Variants in CRCP observed in about 807,000 individuals in gnomAD.
CRCP encodes DNA-directed RNA polymerase III subunit RPC9.
In CRCP, 18 loss-of-function variants were observed where a neutral mutation model predicts 18.5. The observed-to-expected ratio is 0.97, with a 90% CI of 0.67 to 1.44. The LOEUF is 1.44. Among genes scored for constraint, CRCP ranks in the 40% most tolerant of loss-of-function variants. The pLI is 0.00. For synonymous variants in CRCP, 53 were observed against 62.9 expected (o/e 0.84, Z 0.75); for missense variants, 130 against 176.4 (o/e 0.74, Z 1.49).
chr7:66,118,340 A>G lies in CRCP; in HGVS notation c.8+3370A>G, dbSNP rs115246580. Among the ~76,000 whole-genome samples, 1,120 of 152,300 alleles carry G rather than the reference A, an allele frequency of 7.4e-3. 15 individuals are homozygous for G. Among genetic ancestry groups the G allele is most frequent in the African/African-American group, 0.024 (995 of 41,578 alleles). On this transcript the variant is annotated intron_variant, in intron 1 of 5. Transcript: ENST00000395326. ...TTCGTCTTCAGTAAGTCTAACTAAC[A>G]TAAGTTCTTTTTGTCTTTCATAGTA...
At chr7:66,144,450 A>G (rs1208822827) in intron 4 of CRCP, among the ~76,000 whole-genome samples, 5 of 152,180 alleles carry the variant, frequency 3.3e-5, no homozygotes, top group Non-Finnish European at 5.9e-5. Context: ...AAAGGAATTT[A>G]CCCATTTCTA....
intron 1 of CRCP, among the ~76,000 whole-genome samples, chr7:66,117,330 G>A (rs892553379): frequency 1.3e-5 from 2 of 152,098 alleles, no homozygotes; most frequent in Non-Finnish European, 2.9e-5. Context: ...CTTGCTTGAT[G>A]TCTAAGTGTT....
intron 3 of CRCP, among the ~76,000 whole-genome samples, chr7:66,131,208 T>C (rs1787793053): frequency 6.6e-6 from 1 of 152,144 alleles, no homozygotes; most frequent in African/African-American, 2.4e-5. Context: ...TCTCCTGACC[T>C]CGTGATCCGT....
intron 4 of CRCP, among the ~76,000 whole-genome samples, chr7:66,136,504 A>T (rs1402021488): frequency 2.0e-5 from 3 of 152,026 alleles, no homozygotes; most frequent in Non-Finnish European, 4.4e-5. Context: ...TTCTGGGATT[A>T]CAGGTGTGAG....
At chr7:66,130,066 T>C (rs1384299191) in intron 2 of CRCP, 1 of 325,176 alleles carries the variant, frequency 3.1e-6, no homozygotes, top group Non-Finnish European at 5.8e-6. Context: ...GAAATTATTA[T>C]ATTAGATTTT....
At chr7:66,132,858 C>T (rs1787850042) in intron 3 of CRCP, among the ~76,000 whole-genome samples, 2 of 151,906 alleles carry the variant, frequency 1.3e-5, no homozygotes, top group Admixed American at 6.6e-5. Context: ...TTGCAGTGAG[C>T]CGAGATTGCG....
At chr7:66,137,464 G>C (rs1455323268) in intron 4 of CRCP, among the ~76,000 whole-genome samples, 1 of 152,162 alleles carries the variant, frequency 6.6e-6, no homozygotes, top group African/African-American at 2.4e-5. Flanking sequence ...CATTGCCCTG[G>C]CTGGGGCCTC....
At chr7:66,121,168 G>A (rs1562758606) in intron 1 of CRCP, among the ~76,000 whole-genome samples, 1 of 151,584 alleles carries the variant, frequency 6.6e-6, no homozygotes, top group African/African-American at 2.4e-5. Context: ...TCCGCCTCCC[G>A]AGTTCAAGCA....
At chr7:66,138,379 T>G (rs1268419484) in intron 4 of CRCP, among the ~76,000 whole-genome samples, 1 of 151,714 alleles carries the variant, frequency 6.6e-6, no homozygotes, top group East Asian at 1.9e-4. Context: ...TCTCTATATT[T>G]TGAAAAATAA....
intron 1 of CRCP, among the ~76,000 whole-genome samples, chr7:66,118,827 C>G (rs1344883690): frequency 2.0e-5 from 3 of 152,156 alleles, no homozygotes; most frequent in Non-Finnish European, 4.4e-5. Context: ...AGTATTTGTC[C>G]TTTGTCCAAG....
Position 66,114,847 on chromosome 7 carries a change from G to A in CRCP, c.-116G>A, listed in dbSNP as rs745565808. On this transcript the variant is annotated 5_prime_UTR_variant, in exon 1 of 6. Transcript: ENST00000395326. Reference sequence around the variant, plus strand: ...TCCCGGCATGCAGCGCGGCGATCCCGGCGAGCACCTTGGCGCGCGGAGCTG... The same window carrying A: ...TCCCGGCATGCAGCGCGGCGATCCCAGCGAGCACCTTGGCGCGCGGAGCTG... The A allele has an allele frequency of 1.9e-6, 3 of 1,598,990 alleles. No homozygotes were observed. The highest frequency in any genetic ancestry group is 1.1e-5 in the South Asian group (1 of 90,564).
At chr7:66,148,003 T>C (rs1315365010) in intron 5 of CRCP, among the ~76,000 whole-genome samples, 1 of 151,462 alleles carries the variant, frequency 6.6e-6, no homozygotes, top group Non-Finnish European at 1.5e-5. Flanking sequence ...AAGGCTGCAG[T>C]GAGCTATGAT....
At chr7:66,148,997 T>C (rs931348809) in intron 5 of CRCP, among the ~76,000 whole-genome samples, 1 of 152,252 alleles carries the variant, frequency 6.6e-6, no homozygotes, top group East Asian at 1.9e-4. Context: ...AGTAGGACTT[T>C]AGGTTTGGCG....
At chr7:66,116,952 C>G (rs1428400965) in intron 1 of CRCP, among the ~76,000 whole-genome samples, 1 of 152,062 alleles carries the variant, frequency 6.6e-6, no homozygotes, top group Non-Finnish European at 1.5e-5. Context: ...ATAACCTCCT[C>G]TCTACTAAAA....
chr7:66,134,205 C>A, intron 3 of CRCP, 75 bp from the exon 4 acceptor site: 2 of 1,133,812 alleles, frequency 1.8e-6, no homozygotes, highest in South Asian at 1.3e-5. Flanking sequence ...TAATTACAGT[C>A]ATTGCCTTTG....
chr7:66,125,681 G>A (rs1313430872), intron 1 of CRCP, among the ~76,000 whole-genome samples: 1 of 149,258 alleles, frequency 6.7e-6, no homozygotes, highest in Non-Finnish European at 1.5e-5. Context: ...TGTTTAGTGG[G>A]GTAGTAACTT....
At chr7:66,116,684 C>G (rs560861194) in intron 1 of CRCP, among the ~76,000 whole-genome samples, 1 of 152,034 alleles carries the variant, frequency 6.6e-6, no homozygotes, top group Non-Finnish European at 1.5e-5. Flanking sequence ...GAAAATCCTC[C>G]GTCCCCACAT....
chr7:66,130,058 AATT>A (rs1178878493), intron 2 of CRCP: 12 of 301,064 alleles, frequency 4.0e-5, no homozygotes, highest in Non-Finnish European at 7.6e-5. Flanking sequence ...TCCAGAAAGA[AATT>A]ATTATATTAG....
Position 66,127,650 on chromosome 7 carries a change from T to TA in CRCP, c.9-53dup. ...ACAGGAATTCTTTTACAGAATTTGATACCCAGAAAGGGGTGTGAGCCCAGA... is the reference window on the plus strand; with the variant it reads ...ACAGGAATTCTTTTACAGAATTTGATAACCCAGAAAGGGGTGTGAGCCCAGA... On this transcript the variant is annotated intron_variant, in intron 1 of 5. Coordinates refer to ENST00000395326, the MANE Select transcript of CRCP (RefSeq NM_014478.5). 4 of 1,596,280 alleles carry TA rather than the reference T, an allele frequency of 2.5e-6. No homozygotes were observed. In the South Asian group the frequency reaches 4.4e-5, roughly 18 times the overall value.
Sources: gnomAD v4.1 joint callset for allele counts (sites outside exome capture counted in the v4.1 genomes callset) on GRCh38, gnomAD v4.1.1 for gene constraint, MANE v1.5 for transcripts, NCBI Gene and HGNC (gene_info 2026-07-23, HGNC 2026-07-21) for gene names.